KCTD1: variants seen among roughly 807,000 people sequenced by gnomAD.
KCTD1 encodes BTB/POZ domain-containing protein KCTD1.
Under a neutral mutation model 66.0 loss-of-function variants are expected in KCTD1, and 24 were observed. The ratio of observed to expected loss-of-function variants is 0.36; its 90% CI spans 0.26 to 0.51. The LOEUF (loss-of-function observed/expected upper bound fraction) is 0.51, where lower values mean the gene tolerates loss of function less well. Ranked by LOEUF, KCTD1 falls within the 20% of genes least tolerant of loss-of-function variation. The pLI is 0.95. For synonymous variants in KCTD1, 511 were observed against 517.2 expected (o/e 0.99, Z 0.16); for missense variants, 943 against 1,205.2 (o/e 0.78, Z 3.22).
chr18:26,507,867 A>G (rs891197307), intron 1 of KCTD1, among the ~76,000 whole-genome samples: 2 of 152,192 alleles, frequency 1.3e-5, no homozygotes, highest in Non-Finnish European at 2.9e-5. Context: ...GGGAGTAGTG[A>G]CTGGAAGAGG....
chr18:26,640,963 A>T (rs1182779773), upstream of KCTD1, among the ~76,000 whole-genome samples: 2 of 152,146 alleles, frequency 1.3e-5, no homozygotes, highest in Non-Finnish European at 1.5e-5. Flanking sequence ...AGTAGCCAAG[A>T]TCCCAGAAGC....
rs551027172 is a variant in KCTD1, at chr18:26,651,985, T to C, written c.9+5375A>G. Reference sequence around the variant, plus strand: ...GTCTTGTTTGGAGGGCTCAGGGAGATAGGTATTCCAGACGGCCTCTGCTAC... The same window carrying C: ...GTCTTGTTTGGAGGGCTCAGGGAGACAGGTATTCCAGACGGCCTCTGCTAC... On this transcript the variant is annotated intron_variant, in intron 1 of 4. Coordinates refer to the KCTD1 transcript ENST00000580191. 7.9e-5 allele frequency among the ~76,000 whole-genome samples: 12 copies of C among 151,868 alleles called. No individual in the cohort carries two copies. The South Asian group carries it at 2.5e-3, about 32-fold the overall frequency.
intron 1 of KCTD1, chr18:26,543,260 C>G (rs1432390175): frequency 6.6e-6 from 1 of 152,186 alleles, no homozygotes; most frequent in African/African-American, 2.4e-5. Flanking sequence ...GAAAAATACC[C>G]ACTCTTTAAA....
At chr18:26,546,109 G>A (rs1453873550) in intron 1 of KCTD1, among the ~76,000 whole-genome samples, 1 of 151,608 alleles carries the variant, frequency 6.6e-6, no homozygotes, top group African/African-American at 2.4e-5. Context: ...CAGATACCAC[G>A]TTCCCACTTT....
At chr18:26,649,637 T>A (rs933455421) in intron 1 of KCTD1, among the ~76,000 whole-genome samples, 1 of 152,052 alleles carries the variant, frequency 6.6e-6, no homozygotes, top group African/African-American at 2.4e-5. Flanking sequence ...GCCTCCCGAG[T>A]AGCTGGGACT....
At chr18:26,556,912 C>T (rs1985719984) in intron 1 of KCTD1, among the ~76,000 whole-genome samples, 1 of 152,184 alleles carries the variant, frequency 6.6e-6, no homozygotes, top group Non-Finnish European at 1.5e-5. Context: ...CAATCACATG[C>T]CATTTACCTT....
intron 1 of KCTD1, among the ~76,000 whole-genome samples, chr18:26,521,821 G>A (rs1983926537): frequency 6.6e-6 from 1 of 152,196 alleles, no homozygotes; most frequent in African/African-American, 2.4e-5. Flanking sequence ...GCTGGGACAT[G>A]GGAGGGGAGC....
At chr18:26,571,487 G>A (rs923224231) in intron 1 of KCTD1, among the ~76,000 whole-genome samples, 17 of 152,150 alleles carry the variant, frequency 1.1e-4, no homozygotes, top group East Asian at 3.8e-4. Flanking sequence ...AAATGGTATT[G>A]TATTTGCATA....
At chr18:26,516,124 G>A (rs887417342) in intron 1 of KCTD1, among the ~76,000 whole-genome samples, 40 of 152,130 alleles carry the variant, frequency 2.6e-4, no homozygotes, top group African/African-American at 9.7e-4. Context: ...AGGAAGTGAG[G>A]AAAGGACAGT....
chr18:26,544,030 G>A (rs1423776502), intron 1 of KCTD1: 1 of 152,178 alleles, frequency 6.6e-6, no homozygotes, highest in Non-Finnish European at 1.5e-5. Context: ...ACGATACAGT[G>A]GTAAGCAGTT....
At chr18:26,559,983 C>T (rs1985806171) in intron 1 of KCTD1, among the ~76,000 whole-genome samples, 1 of 152,174 alleles carries the variant, frequency 6.6e-6, no homozygotes, top group Admixed American at 6.5e-5. Flanking sequence ...CTTCCTTCTA[C>T]TCTCGTTCCC....
intron 1 of KCTD1, among the ~76,000 whole-genome samples, chr18:26,572,129 G>A (rs1439158000): frequency 2.7e-5 from 4 of 150,568 alleles, no homozygotes; most frequent in South Asian, 2.1e-4. Context: ...GCTCAATCTC[G>A]GTTCACTGCA....
At chr18:26,527,389 C>T (rs1984215560) in intron 1 of KCTD1, among the ~76,000 whole-genome samples, 1 of 150,112 alleles carries the variant, frequency 6.7e-6, no homozygotes, top group African/African-American at 2.5e-5. Context: ...TGTACTCAAA[C>T]CAAAACAAAG....
chr18:26,572,011 C>G (rs910010371), intron 1 of KCTD1, among the ~76,000 whole-genome samples: 1 of 151,074 alleles, frequency 6.6e-6, no homozygotes, highest in South Asian at 2.1e-4. Flanking sequence ...AAAAATTAAA[C>G]TTCATGCTAG....
chr18:26,646,345 T>C (rs761937635), intron 1 of KCTD1, among the ~76,000 whole-genome samples: 21 of 152,166 alleles, frequency 1.4e-4, no homozygotes, highest in Non-Finnish European at 2.8e-4. Flanking sequence ...TCTCCATCCT[T>C]TGACGGAGGC....
At chr18:26,633,610 G>C (rs1344960986), upstream of KCTD1, among the ~76,000 whole-genome samples, 1 of 152,096 alleles carries the variant, frequency 6.6e-6, no homozygotes, top group Admixed American at 6.5e-5. Flanking sequence ...AAAAATACTT[G>C]TAACCCAAAC....
intron 1 of KCTD1, among the ~76,000 whole-genome samples, chr18:26,539,282 C>A (rs1046551246): frequency 6.6e-5 from 10 of 152,110 alleles, no homozygotes; most frequent in African/African-American, 2.2e-4. Context: ...AAAATAATAA[C>A]CATAATTCCT....
rs371010038 is a variant in KCTD1 at position 26,563,690 on chromosome 18, T to C, written c.-15-62440A>G. 4.6e-5 allele frequency among the ~76,000 whole-genome samples: 7 copies of C among 152,372 alleles called. No homozygotes were observed. In the East Asian group the frequency reaches 1.3e-3, roughly 29 times the overall value. ...AATTCTGGCACTGCCACTTATGTGT[T>C]GTGTGATCTTGGGCAAAATCTTTCA... On this transcript the variant is annotated intron_variant, in intron 1 of 4. Coordinates refer to the KCTD1 transcript ENST00000317932.
intron 1 of KCTD1, among the ~76,000 whole-genome samples, chr18:26,542,642 G>A (rs551397281): frequency 1.2e-4 from 19 of 152,260 alleles, no homozygotes; most frequent in Non-Finnish European, 2.5e-4. Flanking sequence ...GAAAACAAAG[G>A]CTTCTTCCTG....
Sources: allele counts gnomAD v4.1 joint callset (sites outside exome capture counted in the v4.1 genomes callset), GRCh38; gene constraint gnomAD v4.1.1; transcripts MANE v1.5; gene names NCBI Gene and HGNC (gene_info 2026-07-23, HGNC 2026-07-21).